ZNF862: variants seen among roughly 807,000 people sequenced by gnomAD.
ZNF862 encodes the protein zinc finger protein 862.
Under a neutral mutation model 91.1 loss-of-function variants are expected in ZNF862, and 64 were observed. That is an observed-to-expected ratio of 0.70 (90% CI 0.57 to 0.87). The LOEUF (loss-of-function observed/expected upper bound fraction) is 0.87. ZNF862 is among the 40% of genes least tolerant of loss of function. The probability of loss-of-function intolerance (pLI) is 0.00; values close to 1 mark genes in which losing one functional copy is unlikely to be tolerated. For missense variants in ZNF862, 1,459 were observed against 1,528.0 expected, an observed-to-expected ratio of 0.95 and a Z score of 0.75; for synonymous variants, 631 against 618.1, an observed-to-expected ratio of 1.02 and a Z score of -0.31.
chr7:149,856,743 C>T (rs968304099), intron 5 of ZNF862, among the ~76,000 whole-genome samples: 9 of 152,190 alleles, frequency 5.9e-5, no homozygotes, highest in African/African-American at 9.7e-5. Flanking sequence ...TTGTCTCTCC[C>T]CCATTTCCCG....
chr7:149,851,351 C>T (rs903486147), intron 5 of ZNF862, among the ~76,000 whole-genome samples: 2 of 152,116 alleles, frequency 1.3e-5, no homozygotes, highest in South Asian at 2.1e-4. Flanking sequence ...TGTCATTGTT[C>T]GTAATTTTTA....
In ZNF862 at chr7:149,850,231, A is replaced by G. The variant is rs1410642442; in HGVS notation, c.1010A>G (p.Asp337Gly). Residue 337 changes from aspartate (D) to glycine (G), a missense_variant, in exon 5 of 8, where the codon GAT (aspartate) becomes GGT (glycine). Transcript: ENST00000223210. This position sits in a 1 kb window ranked among gnomAD's most constrained non-coding sequence, Gnocchi z 4.2. ...VFEELPVVFE[D>G]VAVYFTREEW... is the part of the protein sequence containing the mutation. ...GAGGAGCTGCCGGTGGTGTTCGAGG[A>G]TGTGGCAGTGTATTTCACCCGGGAG... 4 of 1,610,802 alleles carry G rather than the reference A, an allele frequency of 2.5e-6. No individual in the cohort carries two copies. The highest frequency in any genetic ancestry group is 3.4e-6 in the Non-Finnish European group (4 of 1,178,604).
At chr7:149,840,910 A>G (rs1801682041) in intron 1 of ZNF862, 3 of 984,550 alleles carry the variant, frequency 3.0e-6, no homozygotes, top group Admixed American at 6.1e-5. Context: ...GTTAAGCAAC[A>G]CATGACTGTA....
In ZNF862 at chr7:149,861,118, A is replaced by G. The variant is rs1451156398; in HGVS notation, c.1958A>G (p.Lys653Arg). 1.2e-6 allele frequency: 2 copies of G among 1,613,004 alleles called. No individual in the cohort carries two copies. The highest frequency in any genetic ancestry group is 8.5e-7 in the Non-Finnish European group (1 of 1,179,860). ...CGCTACTTCAAGCAGATGGAGGTGA[A>G]AGAGTCCTACATCACTCTGGCCCCT... ...YIRYFKQMEV[K>R]ESYITLAPLY... is the part of the protein sequence containing the mutation. Residue 653 changes from lysine (K) to arginine (R), a missense_variant, in exon 7 of 8, where the codon AAA becomes AGA. Physicochemically the swap from Lys to Arg is conservative, Grantham distance 26. Coordinates refer to ENST00000223210, the MANE Select transcript of ZNF862 (RefSeq NM_001099220.3). This position sits in a 1 kb window ranked among gnomAD's most constrained non-coding sequence, Gnocchi z 6.7.
At chr7:149,840,731 A>G (rs1462383464) in intron 1 of ZNF862, 2 of 154,230 alleles carry the variant, frequency 1.3e-5, no homozygotes, top group African/African-American at 4.8e-5. Flanking sequence ...TACAGTTTTC[A>G]GTACAGTAAC....
At chr7:149,840,188 A>T (rs57297072) in intron 1 of ZNF862, among the ~76,000 whole-genome samples, 57 of 12,352 alleles carry the variant, frequency 4.6e-3, no homozygotes, top group African/African-American at 0.024. Context: ...CTTAAAAAGT[A>T]AAAAAAAAAA....
At chr7:149,862,589 G>A in intron 7 of ZNF862, 95 bp downstream of exon 7, 1 of 1,358,216 alleles carries the variant, frequency 7.4e-7, no homozygotes, top group South Asian at 1.5e-5. Context: ...CTTCTGTCAT[G>A]CACCCACCCA....
At chr7:149,858,017 T>C (rs1802320080) in intron 5 of ZNF862, among the ~76,000 whole-genome samples, 1 of 152,154 alleles carries the variant, frequency 6.6e-6, no homozygotes, top group African/African-American at 2.4e-5. Flanking sequence ...CTCTGGGGTG[T>C]GGTGGTGGTG....
chr7:149,850,072 G>T lies in ZNF862; in HGVS notation c.940-89G>T. ...CTGGGCCTCTTGGTGAGCTTCCCAG[G>T]AGAAATAGGGCTTCCAAAGGCCCCA... On this transcript the variant is annotated intron_variant, in intron 4 of 7. Coordinates refer to ENST00000223210, the MANE Select transcript of ZNF862 (RefSeq NM_001099220.3). The surrounding 1 kb of genome is among the most constrained non-coding windows in gnomAD (Gnocchi z 4.2). The T allele has an allele frequency of 7.1e-7, 1 of 1,406,812 alleles. No individual in the cohort carries two copies. The allele number at this position is 1,406,812 out of a possible 1,614,324, so 87.1% of individuals were successfully genotyped here.
At position 149,850,142 on chromosome 7, in the gene ZNF862, C is replaced by G; in HGVS notation, c.940-19C>G. ...TGGCTCGGCAGGCGGTGCTGAGTGGCCGCTGCTCTTTGTTCCAGGACCCTT... is the reference window on the plus strand; with the variant it reads ...TGGCTCGGCAGGCGGTGCTGAGTGGGCGCTGCTCTTTGTTCCAGGACCCTT... On this transcript the variant is annotated intron_variant, in intron 4 of 7. Coordinates refer to ENST00000223210, the MANE Select transcript of ZNF862 (RefSeq NM_001099220.3). This position sits in a 1 kb window ranked among gnomAD's most constrained non-coding sequence, Gnocchi z 4.2. The G allele has an allele frequency of 6.4e-7, 1 of 1,552,226 alleles. No individual in the cohort carries two copies. Among genetic ancestry groups the G allele is most frequent in the South Asian group, 1.2e-5 (1 of 84,160 alleles).
chr7:149,854,016 T>C (rs767777606), intron 5 of ZNF862, among the ~76,000 whole-genome samples: 13 of 152,146 alleles, frequency 8.5e-5, no homozygotes, highest in Admixed American at 3.3e-4. Flanking sequence ...CAGAATCTTG[T>C]AGCTGTTTCT....
rs749213283 is a variant in ZNF862 at position 149,866,150 on chromosome 7, C to G, written c.*1866C>G. On this transcript the variant is annotated 3_prime_UTR_variant, in exon 8 of 8. Transcript: ENST00000223210. ...TCATTTTCAGTTCTAGTCAGGAATTCCTTTCTTGCTTTCTGCCTTTGACCT... is the reference window on the plus strand; with the variant it reads ...TCATTTTCAGTTCTAGTCAGGAATTGCTTTCTTGCTTTCTGCCTTTGACCT... The G allele has an allele frequency of 6.6e-6, 1 of 152,174 alleles. No homozygotes were observed. Among genetic ancestry groups the G allele is most frequent in the Non-Finnish European group, 1.5e-5 (1 of 68,096 alleles). The allele number at this position is 152,174 out of a possible 1,614,324, so 9.4% of individuals were successfully genotyped here. A position where few individuals can be genotyped will look rare whatever the true frequency, so the allele number is the denominator to read the frequency against.
In ZNF862 at chr7:149,865,672, T is replaced by G. The variant is rs549759716; in HGVS notation, c.*1388T>G. ...GCCTTCCTTAACCATGGGCAGGAAATGAGGCAAGTCAGCAGGCAGGGTTTC... is the reference window on the plus strand; with the variant it reads ...GCCTTCCTTAACCATGGGCAGGAAAGGAGGCAAGTCAGCAGGCAGGGTTTC... On this transcript the variant is annotated 3_prime_UTR_variant, in exon 8 of 8. Transcript: ENST00000223210. 1 of 152,226 alleles carries G rather than the reference T, an allele frequency of 6.6e-6. No homozygotes were observed. Among genetic ancestry groups the G allele is most frequent in the East Asian group, 1.9e-4 (1 of 5,176 alleles). The allele number at this position is 152,226 out of a possible 1,614,324, so 9.4% of individuals were successfully genotyped here. A position where few individuals can be genotyped will look rare whatever the true frequency, so the allele number is the denominator to read the frequency against.
intron 1 of ZNF862, chr7:149,841,752 CTCTA>C: frequency 1.0e-6 from 1 of 985,282 alleles, no homozygotes; most frequent in Non-Finnish European, 1.2e-6. Flanking sequence ...TCTTGGCCCT[CTCTA>C]TCTTTCCTGT....
At chr7:149,838,685 A>G (rs577066832) in intron 1 of ZNF862, 50 bp downstream of exon 1, 5 of 1,177,132 alleles carry the variant, frequency 4.2e-6, no homozygotes, top group South Asian at 4.3e-5. Flanking sequence ...AGGATCCCCG[A>G]GCCGGGCTCG....
Position 149,864,251 on chromosome 7 carries a change from C to G in ZNF862, c.3477C>G (p.Pro1159=), listed in dbSNP as rs557160711. The G allele has an allele frequency of 6.2e-6, 10 of 1,602,922 alleles. No homozygotes were observed. Among genetic ancestry groups the G allele is most frequent in the Non-Finnish European group, 6.8e-6 (8 of 1,175,540 alleles). Residue 1159 remains proline (P), a synonymous_variant, in exon 8 of 8, where the codon CCC becomes CCG. Coordinates refer to ENST00000223210, the MANE Select transcript of ZNF862 (RefSeq NM_001099220.3). ...AGCCTCCCGAGAGACTCCTGTATCC[C>G]CACACCAGCCAGGAGGCCCCCGGGA... ...IMEPPERLLY[P]HTSQEAPGMS
In ZNF862 at chr7:149,867,005, G is replaced by C. The variant is rs1278060132; in HGVS notation, c.*2721G>C. ...GGAAGAAGCATGCACTCCCGCTTTG[G>C]CTGGAGTCCCAGCGCTTGTCGCCAC... On this transcript the variant is annotated 3_prime_UTR_variant, in exon 8 of 8. Transcript: ENST00000223210. The C allele has an allele frequency of 6.6e-6, 1 of 152,194 alleles. No individual in the cohort carries two copies. The allele number at this position is 152,194 out of a possible 1,614,324, so 9.4% of individuals were successfully genotyped here.
chr7:149,845,823 C>T (rs1801848937), intron 2 of ZNF862, among the ~76,000 whole-genome samples: 1 of 152,186 alleles, frequency 6.6e-6, no homozygotes, highest in South Asian at 2.1e-4. Context: ...AGCCCCTGCA[C>T]TTGGCCTGGT....
rs753786836 is a variant in ZNF862, at chr7:149,860,914, C to T, written c.1754C>T (p.Thr585Met). The T allele has an allele frequency of 1.5e-5, 24 of 1,613,676 alleles. No homozygotes were observed. Among genetic ancestry groups the T allele is most frequent in the East Asian group, 2.2e-5 (1 of 44,876 alleles). The change falls in exon 7 of 8, where the codon ACG (threonine) becomes ATG (methionine). Residue 585 changes from threonine to methionine, a missense_variant. By Grantham distance (81) the Thr-to-Met change is moderately conservative (BLOSUM62 -1). Transcript: ENST00000223210. ...AAGATCCTGCAGCTCCTCCAAAGCA[C>T]GGGGACCGTGATATTAGGCAAGTAC... Reference protein sequence around the residue: ...FEKILQLLQSTGTVILGKYRN... With the variant: ...FEKILQLLQSMGTVILGKYRN...
Sources: gnomAD v4.1 joint callset for allele counts (sites outside exome capture counted in the v4.1 genomes callset) on GRCh38, gnomAD v4.1.1 for gene constraint, Gnocchi (gnomAD v3.1) non-coding constraint, MANE v1.5 for transcripts, NCBI Gene and HGNC (gene_info 2026-07-23, HGNC 2026-07-21) for gene names.